The following FAR2 variants were observed in gnomAD, a reference collection of about 807,000 sequenced individuals.
FAR2 encodes the protein fatty acyl-CoA reductase 2, also known as epididymis secretory protein Li 81.
A neutral mutation model predicts 56.0 loss-of-function variants in FAR2; 19 were observed. The ratio of observed to expected loss-of-function variants is 0.34; its 90% CI spans 0.24 to 0.50. The LOEUF (loss-of-function observed/expected upper bound fraction) is 0.50. Among genes scored for constraint, FAR2 ranks in the 20% least tolerant of loss-of-function variants. The pLI is 0.98. For synonymous variants in FAR2, 219 were observed against 218.8 expected (o/e 1.00, Z -0.01); for missense variants, 508 against 642.2 (o/e 0.79, Z 2.26).
chr12:29,157,362 C>G (rs1170274981), intron 1 of FAR2, among the ~76,000 whole-genome samples: 1 of 151,932 alleles, frequency 6.6e-6, no homozygotes, highest in East Asian at 1.9e-4. Context: ...TAATATGTAT[C>G]CCCTATGGCT....
intron 1 of FAR2, among the ~76,000 whole-genome samples, chr12:29,235,582 C>T (rs537079170): frequency 1.3e-5 from 2 of 152,284 alleles, no homozygotes; most frequent in Non-Finnish European, 2.9e-5. Context: ...TATAGATTTA[C>T]CAATGGCTGA....
rs765868900 is a variant in FAR2 at position 29,270,422 on chromosome 12, C to CA, written c.-27dup. On this transcript the variant is annotated 5_prime_UTR_variant, in exon 2 of 12. Transcript: ENST00000536681. ...TCTCTTCCTTTTCAGGAACCTCTTT[C>CA]AGGAGCTATAAAAGAAAGGGAGGAA... 3.3e-6 allele frequency: 5 copies of CA among 1,500,580 alleles called. No individual in the cohort carries two copies. The highest frequency in any genetic ancestry group is 4.5e-6 in the Non-Finnish European group (5 of 1,112,586). The allele number at this position is 1,500,580 out of a possible 1,614,324, so 93.0% of individuals were successfully genotyped here. A position where few individuals can be genotyped will look rare whatever the true frequency, so the allele number is the denominator to read the frequency against.
At chr12:29,237,693 T>C (rs186698134) in intron 1 of FAR2, among the ~76,000 whole-genome samples, 11 of 152,308 alleles carry the variant, frequency 7.2e-5, no homozygotes, top group Admixed American at 5.2e-4. Flanking sequence ...TCTGGGTATT[T>C]GGCAGACATT....
At chr12:29,157,948 A>G (rs1949745040) in intron 1 of FAR2, among the ~76,000 whole-genome samples, 1 of 152,222 alleles carries the variant, frequency 6.6e-6, no homozygotes, top group South Asian at 2.1e-4. Context: ...GTGTTTGTGC[A>G]TGTATTAAAG....
chr12:29,328,307 G>C (rs1032092430), intron 10 of FAR2, among the ~76,000 whole-genome samples: 10 of 152,136 alleles, frequency 6.6e-5, no homozygotes, highest in African/African-American at 2.2e-4. Context: ...ACTGTTGGTG[G>C]GACTGTAAAC....
At chr12:29,263,672 A>G (rs1948463101) in intron 1 of FAR2, among the ~76,000 whole-genome samples, 1 of 140,552 alleles carries the variant, frequency 7.1e-6, no homozygotes, top group African/African-American at 2.6e-5. Context: ...GGTAGGTTGT[A>G]CATTCCTAAA....
At position 29,333,945 on chromosome 12, in the gene FAR2, T is replaced by C; in HGVS notation, c.*151T>C. ...TCGTCCCTATTCCTTAACTATGTATTTTTATTTCAGTGAGAGAAGGAAAGT... is the reference window on the plus strand; with the variant it reads ...TCGTCCCTATTCCTTAACTATGTATCTTTATTTCAGTGAGAGAAGGAAAGT... On this transcript the variant is annotated 3_prime_UTR_variant, in exon 12 of 12. Transcript: ENST00000536681. 1 of 645,458 alleles carries C rather than the reference T, an allele frequency of 1.5e-6. No homozygotes were observed. The highest frequency in any genetic ancestry group is 2.4e-6 in the Non-Finnish European group (1 of 412,420). The allele number at this position is 645,458 out of a possible 1,614,324, so 40.0% of individuals were successfully genotyped here.
chr12:29,273,463 G>T (rs1948653121), intron 2 of FAR2, among the ~76,000 whole-genome samples: 1 of 152,216 alleles, frequency 6.6e-6, no homozygotes, highest in Non-Finnish European at 1.5e-5. Flanking sequence ...ACGGTGTGTA[G>T]GGCTGTGGGG....
At chr12:29,203,999 C>CAAAAAA (rs34399942) in intron 1 of FAR2, among the ~76,000 whole-genome samples, 48 of 68,078 alleles carry the variant, frequency 7.1e-4, no homozygotes, top group African/African-American at 1.4e-3. Context: ...GATTCCATCT[C>CAAAAAA]AAAAAAAAAA....
At chr12:29,323,364 T>C (rs1949584890) in intron 10 of FAR2, among the ~76,000 whole-genome samples, 1 of 152,232 alleles carries the variant, frequency 6.6e-6, no homozygotes, top group South Asian at 2.1e-4. Context: ...CTCTGCAGTC[T>C]TAAATGTCCC....
chr12:29,333,296 T>C (rs10843389), intron 11 of FAR2: 9,873 of 257,626 alleles, frequency 0.038, 870 homozygotes, highest in African/African-American at 0.2. Context: ...CCAAGAACTT[T>C]AGAATTTACC....
At chr12:29,273,611 G>A (rs1472041391) in intron 2 of FAR2, among the ~76,000 whole-genome samples, 1 of 152,160 alleles carries the variant, frequency 6.6e-6, no homozygotes, top group Non-Finnish European at 1.5e-5. Flanking sequence ...CCCAGTGCTG[G>A]CTGCTGCCCC....
At chr12:29,192,785 A>G (rs1277716612) in intron 1 of FAR2, among the ~76,000 whole-genome samples, 1 of 152,202 alleles carries the variant, frequency 6.6e-6, no homozygotes, top group African/African-American at 2.4e-5. Context: ...GAGGTCGATT[A>G]ATTGAGCATC....
At chr12:29,332,923 T>C (rs1285247138) in intron 11 of FAR2, 196 bp downstream of exon 11, 6 of 661,286 alleles carry the variant, frequency 9.1e-6, no homozygotes, top group Non-Finnish European at 1.4e-5. Context: ...GTATTACTTT[T>C]GTTACCCCAT....
chr12:29,198,834 A>G (rs1351087672), intron 1 of FAR2, among the ~76,000 whole-genome samples: 1 of 152,118 alleles, frequency 6.6e-6, no homozygotes, highest in African/African-American at 2.4e-5. Context: ...CCTGCCTCTC[A>G]TGATCATCCA....
chr12:29,313,385 T>C (rs1161469399), intron 8 of FAR2, among the ~76,000 whole-genome samples: 1 of 152,176 alleles, frequency 6.6e-6, no homozygotes, highest in Non-Finnish European at 1.5e-5. Context: ...TATCCTGCCA[T>C]TTTTAGGATA....
At chr12:29,185,934 A>G (rs1489498322) in intron 1 of FAR2, among the ~76,000 whole-genome samples, 2 of 152,204 alleles carry the variant, frequency 1.3e-5, no homozygotes, top group African/African-American at 4.8e-5. Flanking sequence ...CACATATGAT[A>G]CGAGATTTTT....
At chr12:29,226,104 A>G (rs1310481259) in intron 1 of FAR2, among the ~76,000 whole-genome samples, 1 of 152,244 alleles carries the variant, frequency 6.6e-6, no homozygotes, top group African/African-American at 2.4e-5. Context: ...AGATTATATG[A>G]TAAAATAATT....
intron 10 of FAR2, among the ~76,000 whole-genome samples, chr12:29,325,640 C>T (rs1949631469): frequency 6.6e-6 from 1 of 152,156 alleles, no homozygotes; most frequent in Non-Finnish European, 1.5e-5. Flanking sequence ...CAACCTGCTC[C>T]TCAGTGACTA....
Sources: gnomAD v4.1 joint callset for allele counts (sites outside exome capture counted in the v4.1 genomes callset) on GRCh38, gnomAD v4.1.1 for gene constraint, MANE v1.5 for transcripts, NCBI Gene and HGNC (gene_info 2026-07-23, HGNC 2026-07-21) for gene names.